Variants in TAFA2 observed in about 807,000 individuals in gnomAD.
TAFA2 encodes the protein chemokine-like protein TAFA-2.
Under a neutral mutation model 18.8 loss-of-function variants are expected in TAFA2, and 7 were observed. The observed-to-expected ratio is 0.37, with a 90% CI of 0.21 to 0.70. The LOEUF is 0.70. Ranked by LOEUF, TAFA2 falls within the 30% of genes least tolerant of loss-of-function variation. The pLI, the probability that TAFA2 is intolerant of heterozygous loss-of-function variation, is 0.53. For synonymous variants in TAFA2, 60 were observed against 54.2 expected (o/e 1.11, Z -0.47); for missense variants, 122 against 158.1 (o/e 0.77, Z 1.23).
intron 2 of TAFA2, among the ~76,000 whole-genome samples, chr12:61,852,694 T>C (rs950521613): frequency 6.6e-6 from 1 of 152,158 alleles, no homozygotes; most frequent in Non-Finnish European, 1.5e-5. Context: ...GTACAATTTA[T>C]ATTCTGAGAG....
intron 1 of TAFA2, among the ~76,000 whole-genome samples, chr12:62,250,764 C>T (rs2062909383): frequency 1.3e-5 from 2 of 152,160 alleles, no homozygotes; most frequent in Admixed American, 1.3e-4. Flanking sequence ...AATGATTACT[C>T]CCTTCCCCTC....
chr12:62,057,759 C>T (rs1156970110), intron 1 of TAFA2, among the ~76,000 whole-genome samples: 1 of 152,156 alleles, frequency 6.6e-6, no homozygotes, highest in Non-Finnish European at 1.5e-5. Context: ...ATACTTCACA[C>T]TCAATTATTT....
intron 1 of TAFA2, among the ~76,000 whole-genome samples, chr12:62,089,789 T>C (rs1170028683): frequency 2.0e-5 from 3 of 152,056 alleles, no homozygotes; most frequent in African/African-American, 7.2e-5. Flanking sequence ...GCCCACTATT[T>C]CTTCAGGTTT....
intron 1 of TAFA2, among the ~76,000 whole-genome samples, chr12:62,169,691 A>T (rs938121029): frequency 1.3e-5 from 2 of 151,996 alleles, no homozygotes; most frequent in African/African-American, 4.8e-5. Context: ...CGCTACTAAA[A>T]ATACAAAAAA....
At chr12:62,086,089 T>C (rs1203085267) in intron 1 of TAFA2, among the ~76,000 whole-genome samples, 1 of 152,066 alleles carries the variant, frequency 6.6e-6, no homozygotes, top group Non-Finnish European at 1.5e-5. Context: ...CATGAGCGAA[T>C]TGAAACTCTT....
chr12:62,071,912 G>A (rs1882640362), intron 1 of TAFA2, among the ~76,000 whole-genome samples: 1 of 152,124 alleles, frequency 6.6e-6, no homozygotes, highest in South Asian at 2.1e-4. Flanking sequence ...GAGATGCCTA[G>A]AACATTAGTT....
chr12:61,750,301 T>C (rs75982657), intron 4 of TAFA2, among the ~76,000 whole-genome samples: 4 of 152,120 alleles, frequency 2.6e-5, no homozygotes, highest in African/African-American at 9.7e-5. Flanking sequence ...GAGACGGTTA[T>C]AGATGTCACA....
At chr12:61,887,631 G>C (rs1216248600) in intron 1 of TAFA2, among the ~76,000 whole-genome samples, 1 of 130,086 alleles carries the variant, frequency 7.7e-6, no homozygotes, top group African/African-American at 3.0e-5. Flanking sequence ...TCCCCTTCCT[G>C]TGTCCATGTG....
chr12:61,794,576 A>G (rs1871114797), intron 2 of TAFA2, among the ~76,000 whole-genome samples: 4 of 152,062 alleles, frequency 2.6e-5, no homozygotes, highest in Admixed American at 2.6e-4. Flanking sequence ...ACTTAATATT[A>G]TGATTTCGAT....
intron 1 of TAFA2, among the ~76,000 whole-genome samples, chr12:62,221,571 A>G (rs140101399): frequency 1.5e-3 from 222 of 152,288 alleles, no homozygotes; most frequent in Non-Finnish European, 2.6e-3. Flanking sequence ...AATACTTAAT[A>G]TATGACAGCA....
chr12:62,088,153 A>G (rs946511668), intron 1 of TAFA2, among the ~76,000 whole-genome samples: 20 of 152,112 alleles, frequency 1.3e-4, no homozygotes, highest in African/African-American at 4.8e-4. Flanking sequence ...TGATGTTTCA[A>G]AGATGCACTA....
In TAFA2 at chr12:61,906,565, A is replaced by G. The variant is rs117552299; in HGVS notation, c.-1-39139T>C. On this transcript the variant is annotated intron_variant, in intron 1 of 4. Transcript: ENST00000416284. The stretch of plus-strand genomic sequence containing the variant: ...TAACAATATGAGAACAGACTAATAC[A>G]GTAAATTGGTACTGGGTAGTGGGGT... 3.5e-3 allele frequency among the ~76,000 whole-genome samples: 537 copies of G among 152,324 alleles called. 3 individuals are homozygous for G. Among genetic ancestry groups the G allele is most frequent in the Middle Eastern group, 0.01 (3 of 294 alleles).
chr12:61,819,007 T>C (rs1403798620), intron 2 of TAFA2, among the ~76,000 whole-genome samples: 1 of 152,186 alleles, frequency 6.6e-6, no homozygotes, highest in Non-Finnish European at 1.5e-5. Context: ...GACCCGATCA[T>C]GACTTCCTAA....
intron 4 of TAFA2, among the ~76,000 whole-genome samples, chr12:61,745,089 C>G (rs1391579755): frequency 6.6e-6 from 1 of 151,974 alleles, no homozygotes; most frequent in Admixed American, 6.6e-5. Context: ...TTCTGAATCT[C>G]TCATTACTAT....
intron 1 of TAFA2, among the ~76,000 whole-genome samples, chr12:62,023,083 A>G (rs1211561970): frequency 6.6e-6 from 1 of 152,256 alleles, no homozygotes; most frequent in Admixed American, 6.5e-5. Flanking sequence ...AAGAGAATCA[A>G]TGAGCATTAG....
chr12:61,825,831 C>T lies in TAFA2; in HGVS notation c.106+41489G>A, dbSNP rs879514052. Among the ~76,000 whole-genome samples, 40 of 151,888 alleles carry T rather than the reference C, an allele frequency of 2.6e-4. 1 individual carries two copies. Among genetic ancestry groups the T allele is most frequent in the South Asian group, 1.0e-3 (5 of 4,784 alleles). On this transcript the variant is annotated intron_variant, in intron 2 of 4. Transcript: ENST00000416284. ...ATTTCATTATTTTTGGCACACATGC[C>T]CCTTTGAATATAGCACATCTCTTTT...
intron 1 of TAFA2, among the ~76,000 whole-genome samples, chr12:62,029,473 G>A (rs1361577446): frequency 6.6e-6 from 1 of 152,156 alleles, no homozygotes; most frequent in Non-Finnish European, 1.5e-5. Flanking sequence ...TGCTTGCAGA[G>A]CTGCCAACCC....
chr12:62,025,933 A>G (rs1051767241), intron 1 of TAFA2, among the ~76,000 whole-genome samples: 6 of 152,146 alleles, frequency 3.9e-5, no homozygotes, highest in African/African-American at 1.4e-4. Flanking sequence ...AGAAGTAGTC[A>G]AGACGAAATT....
intron 2 of TAFA2, among the ~76,000 whole-genome samples, chr12:61,837,648 T>C (rs969577224): frequency 4.6e-5 from 7 of 151,982 alleles, no homozygotes; most frequent in African/African-American, 1.4e-4. Context: ...ACTAATCAGA[T>C]ACCCACTCTT....
Sources: allele counts gnomAD v4.1 joint callset (sites outside exome capture counted in the v4.1 genomes callset), GRCh38; gene constraint gnomAD v4.1.1; transcripts MANE v1.5; gene names NCBI Gene and HGNC (gene_info 2026-07-23, HGNC 2026-07-21).